OPCML: variants seen among roughly 807,000 people sequenced by gnomAD.
The protein encoded by OPCML is opioid binding protein/cell adhesion molecule like.
OPCML carries 13 observed loss-of-function variants against 37.8 expected under a neutral mutation model. That is an observed-to-expected ratio of 0.34 (90% confidence interval 0.22 to 0.55). OPCML has a LOEUF of 0.55. Among genes scored for constraint, OPCML ranks in the 20% least tolerant of loss-of-function variants. The probability of loss-of-function intolerance (pLI) is 0.91; values close to 1 mark genes in which losing one functional copy is unlikely to be tolerated. For synonymous variants in OPCML, 176 were observed against 168.8 expected, an observed-to-expected ratio of 1.04 and a Z score of -0.33; for missense variants, 341 against 435.6, an observed-to-expected ratio of 0.78 and a Z score of 1.93.
At chr11:132,745,065 C>T (rs751344473) in intron 2 of OPCML, among the ~76,000 whole-genome samples, 11 of 152,150 alleles carry the variant, frequency 7.2e-5, no homozygotes, top group African/African-American at 1.2e-4. Flanking sequence ...GTCTTTTTCA[C>T]GCTCTCACAC....
At chr11:132,483,453 G>C (rs2096188066) in intron 4 of OPCML, among the ~76,000 whole-genome samples, 1 of 152,090 alleles carries the variant, frequency 6.6e-6, no homozygotes, top group African/African-American at 2.4e-5. Flanking sequence ...CATGCTCGTG[G>C]GTAGGAAGAA....
chr11:133,141,095 G>GAAGAAGAAGA (rs1565469375), intron 1 of OPCML, among the ~76,000 whole-genome samples: 265 of 12,910 alleles, frequency 0.021, 101 homozygotes, highest in African/African-American at 0.032. Context: ...GAAGAAGAAG[G>GAAGAAGAAGA]AGAAGAAGAA....
chr11:133,437,393 T>A (rs1324893349), intron 1 of OPCML, among the ~76,000 whole-genome samples: 2 of 152,176 alleles, frequency 1.3e-5, no homozygotes, highest in African/African-American at 2.4e-5. Context: ...GGAGTCAAGA[T>A]GTGCTGCAGT....
At chr11:133,129,429 T>G (rs754063896) in intron 1 of OPCML, among the ~76,000 whole-genome samples, 2 of 152,154 alleles carry the variant, frequency 1.3e-5, no homozygotes, top group African/African-American at 2.4e-5. Context: ...GAGGGATTAG[T>G]CCTAAGTTCT....
chr11:132,967,063 C>G (rs1946231755), intron 1 of OPCML, among the ~76,000 whole-genome samples: 1 of 151,954 alleles, frequency 6.6e-6, no homozygotes, highest in South Asian at 2.1e-4. Context: ...TTTTTGTTTA[C>G]TACGTGTCAC....
chr11:132,925,491 G>T (rs368517013), intron 2 of OPCML, among the ~76,000 whole-genome samples: 4 of 152,108 alleles, frequency 2.6e-5, no homozygotes, highest in Non-Finnish European at 5.9e-5. Context: ...CTGTACCTAC[G>T]CCTTTTCACC....
chr11:132,625,616 T>C (rs1939693463), intron 3 of OPCML, among the ~76,000 whole-genome samples: 1 of 152,210 alleles, frequency 6.6e-6, no homozygotes, highest in Non-Finnish European at 1.5e-5. Flanking sequence ...TGCTTTCCTA[T>C]GTGCTAACAC....
intron 2 of OPCML, among the ~76,000 whole-genome samples, chr11:132,686,752 C>T (rs944506726): frequency 2.0e-5 from 3 of 152,194 alleles, no homozygotes; most frequent in East Asian, 1.9e-4. Flanking sequence ...TGTTTTTCCA[C>T]GTGTTCTATT....
intron 4 of OPCML, among the ~76,000 whole-genome samples, chr11:132,522,423 A>C (rs1481339920): frequency 2.0e-5 from 3 of 152,220 alleles, no homozygotes; most frequent in African/African-American, 7.2e-5. Context: ...AAAACACAAA[A>C]AATGTACAAA....
chr11:133,400,436 A>G (rs1039078455), intron 1 of OPCML, among the ~76,000 whole-genome samples: 2 of 152,206 alleles, frequency 1.3e-5, no homozygotes, highest in African/African-American at 2.4e-5. Context: ...GGGCAATAAG[A>G]GTCAGGACAA....
At chr11:133,129,064 G>A (rs1375128711) in intron 1 of OPCML, among the ~76,000 whole-genome samples, 1 of 152,192 alleles carries the variant, frequency 6.6e-6, no homozygotes, top group Admixed American at 6.5e-5. Flanking sequence ...ATTGCCTTAA[G>A]AGTTTACACA....
chr11:132,965,248 C>T (rs1331761381), intron 1 of OPCML, among the ~76,000 whole-genome samples: 1 of 152,166 alleles, frequency 6.6e-6, no homozygotes, highest in African/African-American at 2.4e-5. Flanking sequence ...TTCTCTCTCT[C>T]TCTCTTTTTT....
chr11:132,949,985 T>G (rs1945823777), intron 1 of OPCML, among the ~76,000 whole-genome samples: 3 of 152,156 alleles, frequency 2.0e-5, no homozygotes, highest in African/African-American at 7.2e-5. Flanking sequence ...GAGTCCTGAC[T>G]GATCGGCTGA....
intron 1 of OPCML, among the ~76,000 whole-genome samples, chr11:132,975,362 T>C (rs1255314069): frequency 1.3e-5 from 2 of 151,070 alleles, no homozygotes. Flanking sequence ...CATGCAAAGT[T>C]TTGGAGGAAA....
intron 2 of OPCML, among the ~76,000 whole-genome samples, chr11:132,911,078 C>A (rs1363682977): frequency 2.0e-5 from 3 of 152,218 alleles, no homozygotes; most frequent in South Asian, 4.1e-4. Flanking sequence ...GCAACAGCAA[C>A]CCTCATCTTC....
At chr11:133,086,963 T>G (rs1356075862) in intron 1 of OPCML, among the ~76,000 whole-genome samples, 1 of 152,210 alleles carries the variant, frequency 6.6e-6, no homozygotes, top group Non-Finnish European at 1.5e-5. Flanking sequence ...GGATGCTACA[T>G]TAACCCTTAG....
At chr11:133,439,170 C>A (rs1406243736) in intron 1 of OPCML, 1 of 517,548 alleles carries the variant, frequency 1.9e-6, no homozygotes, top group Non-Finnish European at 2.5e-6. Flanking sequence ...GTGATTGGCA[C>A]CCGAAGTGGG....
chr11:133,481,360 A>G (rs1947366520), intron 1 of OPCML, among the ~76,000 whole-genome samples: 1 of 152,116 alleles, frequency 6.6e-6, no homozygotes, highest in East Asian at 1.9e-4. Flanking sequence ...TTACTGATCA[A>G]TGGCCACACA....
intron 2 of OPCML, among the ~76,000 whole-genome samples, chr11:132,804,759 C>T (rs1938898245): frequency 6.6e-6 from 1 of 152,150 alleles, no homozygotes; most frequent in South Asian, 2.1e-4. Flanking sequence ...CCAGTGTGAT[C>T]AGCCAGTAAT....
Sources: gnomAD v4.1 joint callset for allele counts (sites outside exome capture counted in the v4.1 genomes callset) on GRCh38, gnomAD v4.1.1 for gene constraint, MANE v1.5 for transcripts, NCBI Gene and HGNC (gene_info 2026-07-23, HGNC 2026-07-21) for gene names.